Variants in LAMA1 observed in about 807,000 individuals in gnomAD.
The protein encoded by LAMA1 is laminin subunit alpha-1.
LAMA1 carries 219 observed loss-of-function variants against 348.7 expected under a neutral mutation model. The ratio of observed to expected loss-of-function variants is 0.63; its 90% confidence interval spans 0.56 to 0.70. LAMA1 has a LOEUF of 0.70. Among genes scored for constraint, LAMA1 ranks in the 30% least tolerant of loss-of-function variants. The pLI, the probability that LAMA1 is intolerant of heterozygous loss-of-function variation, is 0.00. For missense variants in LAMA1, 3,744 were observed against 3,888.0 expected (o/e 0.96, Z 0.99); for synonymous variants, 1,487 against 1,491.0 (o/e 1.00, Z 0.06).
chr18:6,956,926 A>G (rs561411394), intron 55 of LAMA1, 161 bp from the exon 56 acceptor site: 3 of 739,646 alleles, frequency 4.1e-6, no homozygotes. Flanking sequence ...CTCAGAGTCC[A>G]AACATGCTAT....
chr18:7,093,088 A>G (rs1485482432), intron 1 of LAMA1, among the ~76,000 whole-genome samples: 2 of 152,202 alleles, frequency 1.3e-5, no homozygotes, highest in East Asian at 3.9e-4. Context: ...TCCTTGTTCA[A>G]TATTTTAAAT....
At chr18:7,079,338 G>T (rs1312195874) in intron 3 of LAMA1, 1 of 153,460 alleles carries the variant, frequency 6.5e-6, no homozygotes, top group Admixed American at 6.4e-5. Flanking sequence ...GGGCAACTGG[G>T]GCTCATCTCA....
intron 62 of LAMA1, 48 bp downstream of exon 62, chr18:6,943,132 C>T (rs1428675527): frequency 6.6e-7 from 1 of 1,524,584 alleles, no homozygotes. Flanking sequence ...AAGACTTCCT[C>T]CAGGGACAGT....
In LAMA1 at chr18:7,008,514, G is replaced by A. The variant is rs2057843590; in HGVS notation, c.4096C>T (p.Pro1366Ser). ...TGACATGAGAATCCCACAGTGCCAG[G>A]AGGACAGACACAATTCTCTAAAAGA... ...ASLLENCVCP[P>S]GTVGFSCQDC... The change falls in exon 28 of 63, where the codon CCT becomes TCT. Residue 1366 changes from proline (P) to serine (S), a missense_variant. Transcript: ENST00000389658. The A allele has an allele frequency of 6.2e-7, 1 of 1,614,100 alleles. No homozygotes were observed. Among genetic ancestry groups the A allele is most frequent in the Non-Finnish European group, 8.5e-7 (1 of 1,179,984 alleles).
chr18:6,981,102 CAAAAAAA>C (rs1216591782), intron 41 of LAMA1, among the ~76,000 whole-genome samples: 2 of 76,762 alleles, frequency 2.6e-5, no homozygotes, highest in Non-Finnish European at 5.6e-5. Context: ...GACTCCGTCT[CAAAAAAA>C]AAAAAAAAGA....
rs757930605 is a variant in LAMA1 at position 7,023,299 on chromosome 18, C to A, written c.2566G>T (p.Asp856Tyr). The change falls in exon 19 of 63, where the codon GAC becomes TAC. Residue 856 changes from aspartate (D) to tyrosine (Y), a missense_variant. Around this residue, in one of 3 missense-constraint regions of LAMA1, gnomAD observed 1,529 missense variants for 1,689.4 expected, o/e 0.91. Transcript: ENST00000389658. ...CVPCDCSGNV[D>Y]PSEAGHCDSV... ...TCACAGTGACCAGCCTCCGAGGGGTCCACGTTGCCGCTGCAGTCACAGGGA... is the reference window on the plus strand; with the variant it reads ...TCACAGTGACCAGCCTCCGAGGGGTACACGTTGCCGCTGCAGTCACAGGGA... 6.8e-6 allele frequency: 11 copies of A among 1,614,066 alleles called. No individual in the cohort carries two copies. In the African/African-American group the frequency reaches 1.5e-4, roughly 22 times the overall value.
chr18:7,088,663 C>T (rs2058227303), intron 1 of LAMA1, among the ~76,000 whole-genome samples: 1 of 151,888 alleles, frequency 6.6e-6, no homozygotes, highest in South Asian at 2.1e-4. Context: ...GGCTAGGGTG[C>T]ATGCCACCAT....
intron 32 of LAMA1, among the ~76,000 whole-genome samples, chr18:6,998,263 G>A (rs1247409465): frequency 6.6e-6 from 1 of 152,116 alleles, no homozygotes; most frequent in Non-Finnish European, 1.5e-5. Context: ...GGGGAAGAGG[G>A]GTGAACACAC....
intron 3 of LAMA1, among the ~76,000 whole-genome samples, chr18:7,073,266 G>A (rs60571401): frequency 0.14 from 21,023 of 152,060 alleles, 4,809 homozygotes; most frequent in African/African-American, 0.48. Flanking sequence ...AAAAATATAC[G>A]TAACATAAAA....
At chr18:7,049,443 G>A (rs991975969) in intron 4 of LAMA1, among the ~76,000 whole-genome samples, 186 bp from the exon 5 acceptor site, 3 of 152,120 alleles carry the variant, frequency 2.0e-5, no homozygotes, top group Non-Finnish European at 4.4e-5. Context: ...GGGACTATAG[G>A]TGTGCACCAC....
rs759415734 is a variant in LAMA1 at position 7,050,797 on chromosome 18, C to T, written c.485G>A (p.Arg162His). ...YAVSDSECLS[R>H]YNITPRRGPP... The stretch of plus-strand genomic sequence containing the variant: ...CCCTCGTCTTGGAGTTATATTGTAA[C>T]GAGACAAACACTCTGAGTCGCTGAC... The change falls in exon 4 of 63, where the codon CGT (arginine) becomes CAT (histidine). Residue 162 changes from arginine to histidine, a missense_variant. Transcript: ENST00000389658. 1.4e-4 allele frequency: 233 copies of T among 1,614,038 alleles called. No individual in the cohort carries two copies. The highest frequency in any genetic ancestry group is 2.2e-4 in the Admixed American group (13 of 59,990).
intron 3 of LAMA1, among the ~76,000 whole-genome samples, chr18:7,051,560 T>G (rs2058062471): frequency 6.6e-6 from 1 of 152,162 alleles, no homozygotes; most frequent in Non-Finnish European, 1.5e-5. Context: ...ATATGTAGTA[T>G]TATTATTATT....
At chr18:7,112,735 C>G (rs919308727) in intron 1 of LAMA1, among the ~76,000 whole-genome samples, 5 of 151,446 alleles carry the variant, frequency 3.3e-5, no homozygotes, top group Non-Finnish European at 7.4e-5. Flanking sequence ...CTCCAGGGTT[C>G]AAGCAATTCT....
At position 6,958,562 on chromosome 18, in the gene LAMA1, C is replaced by T. The variant is rs2057591539; in HGVS notation, c.7879G>A (p.Gly2627Arg). Reference sequence around the variant, plus strand: ...GACGTCCCCTCTCCCTCTGGAATTCCCCCGACGTACAGATTGGACACATTT... The same window carrying T: ...GACGTCCCCTCTCCCTCTGGAATTCTCCCGACGTACAGATTGGACACATTT... The part of the protein sequence containing the change: ...TINVSNLYVG[G>R]IPEGEGTSLL... Residue 2627 changes from glycine (G) to arginine (R), a missense_variant, in exon 55 of 63, where the codon GGA becomes AGA. By Grantham distance (125) the Gly-to-Arg change is moderately radical. Transcript: ENST00000389658. 1 of 1,614,130 alleles carries T rather than the reference C, an allele frequency of 6.2e-7. No individual in the cohort carries two copies. The highest frequency in any genetic ancestry group is 8.5e-7 in the Non-Finnish European group (1 of 1,179,976).
At chr18:7,019,674 CTTTTT>C (rs35235323) in intron 19 of LAMA1, among the ~76,000 whole-genome samples, 1,207 of 94,600 alleles carry the variant, frequency 0.013, 14 homozygotes, top group African/African-American at 0.05. Context: ...TATGGTAATT[CTTTTT>C]TTTTTTTTTT....
chr18:7,039,730 C>A (rs916764445), intron 10 of LAMA1, among the ~76,000 whole-genome samples: 3 of 152,124 alleles, frequency 2.0e-5, no homozygotes, highest in African/African-American at 7.2e-5. Flanking sequence ...GCCCACGAGC[C>A]ATAGTTTACC....
intron 1 of LAMA1, among the ~76,000 whole-genome samples, chr18:7,112,609 C>T (rs13381480): frequency 1.4e-5 from 2 of 141,652 alleles, no homozygotes; most frequent in African/African-American, 6.0e-5. Context: ...TATATATATA[C>T]ACACATATAT....
In LAMA1 at chr18:6,992,582, T is replaced by C. The variant is rs2057763538; in HGVS notation, c.5147A>G (p.Gln1716Arg). The C allele has an allele frequency of 1.2e-6, 2 of 1,614,106 alleles. No individual in the cohort carries two copies. The highest frequency in any genetic ancestry group is 2.2e-5 in the East Asian group (1 of 44,890). ...MQIRDFTQLH[Q>R]NATLELKAAE... ...TTACTTGAGTTCAAGGGTGGCATTT[T>C]GGTGCAACTGTGTGAAGTCTCTTAT... The change falls in exon 36 of 63, where the codon CAA (glutamine) becomes CGA (arginine). Residue 1716 changes from glutamine (Q) to arginine (R), a missense_variant. Around this residue, in one of 3 missense-constraint regions of LAMA1, gnomAD observed 1,983 missense variants for 1,934.3 expected, o/e 1.03. Coordinates refer to ENST00000389658, the MANE Select transcript of LAMA1 (RefSeq NM_005559.4).
rs878952683 is a variant in LAMA1 at position 6,978,438 on chromosome 18, A to G, written c.6008-60T>C. ...GTGCTTACACACAGAGAAAAGAATA[A>G]AACGACAACAAATGTAATTTCGCAC... is the stretch of plus-strand genomic sequence containing the variant. On this transcript the variant is annotated intron_variant, in intron 42 of 62. Transcript: ENST00000389658. 51 of 1,409,524 alleles carry G rather than the reference A, an allele frequency of 3.6e-5. No individual in the cohort carries two copies. The South Asian group carries it at 5.4e-4, about 15-fold the overall frequency. The allele number at this position is 1,409,524 out of a possible 1,614,324, so 87.3% of individuals were successfully genotyped here.
Sources: gnomAD v4.1 joint callset for allele counts (sites outside exome capture counted in the v4.1 genomes callset) on GRCh38, gnomAD v4.1.1 for gene constraint, gnomAD v4.1.1 regional missense constraint, MANE v1.5 for transcripts, NCBI Gene and HGNC (gene_info 2026-07-23, HGNC 2026-07-21) for gene names.